Variants in ATG4B observed in about 807,000 individuals in gnomAD.
ATG4B encodes cysteine protease ATG4B.
A neutral mutation model predicts 56.6 loss-of-function variants in ATG4B; 29 were observed. The observed-to-expected ratio is 0.51, with a 90% CI of 0.38 to 0.70. ATG4B has a LOEUF of 0.70. Among genes scored for constraint, ATG4B ranks in the 30% least tolerant of loss-of-function variants. The pLI is 0.00. For missense variants in ATG4B, 461 were observed against 515.5 expected (o/e 0.89, Z 1.02); for synonymous variants, 224 against 206.1 (o/e 1.09, Z -0.74).
In ATG4B at chr2:241,673,500, C is replaced by G; in HGVS notation, c.*1236C>G. Reference sequence around the variant, plus strand: ...TTGTGTAGGTCGGGGAGCCAGAGATCCCCGAGGACGCGCGCCGGACAGTCG... The same window carrying G: ...TTGTGTAGGTCGGGGAGCCAGAGATGCCCGAGGACGCGCGCCGGACAGTCG... On this transcript the variant is annotated 3_prime_UTR_variant, in exon 13 of 13. Transcript: ENST00000404914. 2.4e-6 allele frequency: 1 copy of G among 417,624 alleles called. No individual in the cohort carries two copies. Among genetic ancestry groups the G allele is most frequent in the Non-Finnish European group, 5.0e-6 (1 of 201,590 alleles). The allele number at this position is 417,624 out of a possible 1,614,324, so 25.9% of individuals were successfully genotyped here. A position where few individuals can be genotyped will look rare whatever the true frequency, so the allele number is the denominator to read the frequency against.
intron 1 of ATG4B, among the ~76,000 whole-genome samples, chr2:241,643,361 G>C (rs1362861544): frequency 7.8e-6 from 1 of 128,460 alleles, no homozygotes; most frequent in Non-Finnish European, 1.6e-5. Flanking sequence ...TCCACGCCTA[G>C]CTATTTTTTT....
rs533301541 is a variant in ATG4B, at chr2:241,666,933, G to A, written c.732+95G>A. On this transcript the variant is annotated intron_variant, in intron 8 of 12. Coordinates refer to ENST00000404914, the MANE Select transcript of ATG4B (RefSeq NM_013325.5). ...GCATCGTCGTCACGTGGCCATTTGTGCAGCCGGCTCTCGGGGGAGGGGTAA... is the reference window on the plus strand; with the variant it reads ...GCATCGTCGTCACGTGGCCATTTGTACAGCCGGCTCTCGGGGGAGGGGTAA... 4.3e-6 allele frequency: 6 copies of A among 1,408,244 alleles called. No individual in the cohort carries two copies. The East Asian group carries it at 1.3e-4, about 29-fold the overall frequency. 87.2% of individuals were successfully genotyped at this position (1,408,244 alleles called of 1,614,324 possible).
chr2:241,648,912 G>A (rs966318288), intron 1 of ATG4B, among the ~76,000 whole-genome samples: 4 of 152,258 alleles, frequency 2.6e-5, no homozygotes, highest in African/African-American at 9.6e-5. Flanking sequence ...AGTAAAATTT[G>A]TGTGCCTTTG....
chr2:241,673,828 G>A lies in ATG4B; in HGVS notation c.*1564G>A, dbSNP rs2069056652. 9.4e-6 allele frequency: 4 copies of A among 427,420 alleles called. No individual in the cohort carries two copies. The highest frequency in any genetic ancestry group is 6.1e-5 in the African/African-American group (3 of 49,290). 26.5% of individuals were successfully genotyped at this position (427,420 alleles called of 1,614,324 possible). ...AGTAGTATAGTTTGCAATTCTTAAT[G>A]GCAAATAATAAGTTTCAGTAGAAAA... On this transcript the variant is annotated 3_prime_UTR_variant, in exon 13 of 13. Coordinates refer to ENST00000404914, the MANE Select transcript of ATG4B (RefSeq NM_013325.5).
intron 5 of ATG4B, 153 bp from the exon 6 acceptor site, chr2:241,655,118 G>A: frequency 1.4e-6 from 1 of 693,816 alleles, no homozygotes; most frequent in Non-Finnish European, 2.5e-6. Context: ...GCCCCCTCAT[G>A]CCTCCCCCGA....
At chr2:241,659,762 A>C in intron 7 of ATG4B, 1 of 169,764 alleles carries the variant, frequency 5.9e-6, no homozygotes, top group Non-Finnish European at 1.3e-5. Flanking sequence ...CAAGCTGAGA[A>C]CTCTTAAAAA....
intron 7 of ATG4B, among the ~76,000 whole-genome samples, chr2:241,662,961 C>T (rs550700506): frequency 3.9e-5 from 6 of 152,230 alleles, no homozygotes; most frequent in African/African-American, 9.6e-5. Flanking sequence ...GCGGGCCGGG[C>T]GCGGTGGCTC....
At chr2:241,645,940 T>C (rs557203530) in intron 1 of ATG4B, among the ~76,000 whole-genome samples, 2 of 152,218 alleles carry the variant, frequency 1.3e-5, no homozygotes, top group East Asian at 3.9e-4. Context: ...ACCTCATGGG[T>C]CACGTTCGCC....
rs987571608 is a variant in ATG4B, at chr2:241,651,531, G to C, written c.184+196G>C. Among the ~76,000 whole-genome samples the C allele has an allele frequency of 6.6e-6, 1 of 152,202 alleles. No individual in the cohort carries two copies. Among genetic ancestry groups the C allele is most frequent in the African/African-American group, 2.4e-5 (1 of 41,436 alleles). ...ATCCACGGCGCCTGACTCTAGGCTA[G>C]TGTGTTTTCAACTGCAAATCCCAGC... On this transcript the variant is annotated intron_variant, in intron 3 of 12. Transcript: ENST00000404914. The surrounding 1 kb of genome is among the most constrained non-coding windows in gnomAD (Gnocchi z 4.1).
intron 1 of ATG4B, among the ~76,000 whole-genome samples, chr2:241,640,449 TAC>T (rs2067849041): frequency 1.3e-5 from 2 of 152,252 alleles, no homozygotes; most frequent in African/African-American, 4.8e-5. Context: ...CCATGTGTAA[TAC>T]AGTTTCTGTT....
At chr2:241,647,878 C>T (rs1221720331) in intron 1 of ATG4B, among the ~76,000 whole-genome samples, 1 of 151,614 alleles carries the variant, frequency 6.6e-6, no homozygotes, top group East Asian at 2.0e-4. Context: ...CTTTGGGAGG[C>T]CGAGGTGGGT....
rs1253377781 is a variant in ATG4B at position 241,651,972 on chromosome 2, G to C, written c.184+637G>C. 7.7e-7 allele frequency: 1 copy of C among 1,304,028 alleles called. No individual in the cohort carries two copies. The highest frequency in any genetic ancestry group is 1.5e-5 in the African/African-American group (1 of 65,996). 80.8% of individuals were successfully genotyped at this position (1,304,028 alleles called of 1,614,324 possible). On this transcript the variant is annotated intron_variant, in intron 3 of 12. Transcript: ENST00000404914. This position sits in a 1 kb window ranked among gnomAD's most constrained non-coding sequence, Gnocchi z 4.1. ...TCTCACCGGCGGAGAACTGAGGCCGGAGGTGAGGGCCGGGCTGGCGTCATG... is the reference window on the plus strand; with the variant it reads ...TCTCACCGGCGGAGAACTGAGGCCGCAGGTGAGGGCCGGGCTGGCGTCATG...
intron 7 of ATG4B, among the ~76,000 whole-genome samples, chr2:241,666,222 A>G (rs939522630): frequency 7.2e-5 from 11 of 152,180 alleles, no homozygotes; most frequent in Non-Finnish European, 1.3e-4. Context: ...CCTCCGGACC[A>G]TTGACTCACG....
rs1575097397 is a variant in ATG4B, at chr2:241,672,470, C to T, written c.*206C>T. On this transcript the variant is annotated 3_prime_UTR_variant, in exon 13 of 13. Transcript: ENST00000404914. Reference sequence around the variant, plus strand: ...AGACTGCCCAGCTCAGAGTGCCCGTCAGGGCCTGTGCATCCGCACGCGGAG... The same window carrying T: ...AGACTGCCCAGCTCAGAGTGCCCGTTAGGGCCTGTGCATCCGCACGCGGAG... 1.7e-6 allele frequency: 1 copy of T among 597,526 alleles called. No homozygotes were observed. The allele number at this position is 597,526 out of a possible 1,614,324, so 37.0% of individuals were successfully genotyped here.
Position 241,651,172 on chromosome 2 carries a change from A to G in ATG4B, c.112+61A>G. Reference sequence around the variant, plus strand: ...GCTTGGCCTGCAGAAGCATTTTGTGATCACTGTTCTCTGCTAACTCTGCCA... The same window carrying G: ...GCTTGGCCTGCAGAAGCATTTTGTGGTCACTGTTCTCTGCTAACTCTGCCA... On this transcript the variant is annotated intron_variant, in intron 2 of 12. Transcript: ENST00000404914. This position sits in a 1 kb window ranked among gnomAD's most constrained non-coding sequence, Gnocchi z 4.1. 1.3e-6 allele frequency: 2 copies of G among 1,563,830 alleles called. No individual in the cohort carries two copies. Among genetic ancestry groups the G allele is most frequent in the Non-Finnish European group, 8.7e-7 (1 of 1,146,628 alleles).
chr2:241,670,883 C>T, intron 11 of ATG4B, 101 bp downstream of exon 11: 1 of 1,243,364 alleles, frequency 8.0e-7, no homozygotes, highest in Non-Finnish European at 1.1e-6. Context: ...CTCAGGCAGC[C>T]TCACTGGGCC....
chr2:241,654,017 A>G (rs1436579075), intron 4 of ATG4B, among the ~76,000 whole-genome samples: 2 of 151,724 alleles, frequency 1.3e-5, no homozygotes, highest in African/African-American at 4.8e-5. Context: ...AAAAAGAAGA[A>G]GAAGAATGCT....
Position 241,673,344 on chromosome 2 carries a change from C to A in ATG4B, c.*1080C>A. 1 of 358,032 alleles carries A rather than the reference C, an allele frequency of 2.8e-6. No individual in the cohort carries two copies. The allele number at this position is 358,032 out of a possible 1,614,324, so 22.2% of individuals were successfully genotyped here. A position where few individuals can be genotyped will look rare whatever the true frequency, so the allele number is the denominator to read the frequency against. On this transcript the variant is annotated 3_prime_UTR_variant, in exon 13 of 13. Coordinates refer to ENST00000404914, the MANE Select transcript of ATG4B (RefSeq NM_013325.5). The stretch of plus-strand genomic sequence containing the variant: ...TCCCAGAGTGCACTCTGCCCCGCTG[C>A]TCTGCTGCCTGTCCTGGGAAAGTAT...
intron 7 of ATG4B, among the ~76,000 whole-genome samples, chr2:241,662,111 A>G (rs936238958): frequency 1.3e-5 from 2 of 152,234 alleles, no homozygotes; most frequent in Non-Finnish European, 2.9e-5. Flanking sequence ...CTGAAGGAGT[A>G]GGAGAAAATT....
Sources: gnomAD v4.1 joint callset for allele counts (sites outside exome capture counted in the v4.1 genomes callset) on GRCh38, gnomAD v4.1.1 for gene constraint, Gnocchi (gnomAD v3.1) non-coding constraint, MANE v1.5 for transcripts, NCBI Gene and HGNC (gene_info 2026-07-23, HGNC 2026-07-21) for gene names.